ZNF579: variants seen among roughly 807,000 people sequenced by gnomAD.
ZNF579 encodes zinc finger protein 579.
Under a neutral mutation model 5.7 loss-of-function variants are expected in ZNF579, and 3 were observed. The observed-to-expected ratio is 0.53, with a 90% CI of 0.24 to 1.36. The LOEUF (loss-of-function observed/expected upper bound fraction) is 1.36, where lower values mean the gene tolerates loss of function less well. Among genes scored for constraint, ZNF579 ranks in the 40% most tolerant of loss-of-function variants. ZNF579 has a pLI of 0.16. For synonymous variants in ZNF579, 454 were observed against 409.0 expected (o/e 1.11, Z -1.33); for missense variants, 679 against 877.6 (o/e 0.77, Z 2.86).
At position 55,578,329 on chromosome 19, in the gene ZNF579, GC is replaced by G. The variant is rs1555775106; in HGVS notation, c.1310del (p.Gly437AlafsTer55). On this transcript the variant is annotated frameshift_variant, in exon 2 of 2. Transcript: ENST00000325421. LOFTEE classifies it low-confidence loss of function (END_TRUNC). ...LARHAQVHAG[G>X]PAPHPCPRCP... ...AGCGGGGGCACGGGTGCGGGGCTGG[GC>G]CCCCCGCGTGCACCTGTGCGTGGCG... 8.1e-6 allele frequency: 11 copies of G among 1,360,752 alleles called. No individual in the cohort carries two copies. The highest frequency in any genetic ancestry group is 3.2e-5 in the South Asian group (2 of 62,148). The allele number at this position is 1,360,752 out of a possible 1,614,324, so 84.3% of individuals were successfully genotyped here.
At chr19:55,580,757 C>T (rs1042445703) in intron 1 of ZNF579, 38 bp downstream of exon 1, 2 of 152,454 alleles carry the variant, frequency 1.3e-5, no homozygotes, top group African/African-American at 4.8e-5. Context: ...AGCCCTGGGC[C>T]TGGGGCTTGG....
chr19:55,578,502 C>T lies in ZNF579; in HGVS notation c.1138G>A (p.Gly380Arg), dbSNP rs1238659389. Reference protein sequence around the residue: ...GDAAPARPPAGEPRFWCPECG... With the variant: ...GDAAPARPPAREPRFWCPECG... ...TCTGGGCACCAGAAGCGGGGCTCCC[C>T]GGCGGGGGGCCGAGCCGGGGCGGCG... Residue 380 changes from glycine to arginine, a missense_variant, in exon 2 of 2, where the codon GGG becomes AGG. This residue lies in a region of ZNF579 where 114 missense variants were observed against 98.9 expected (regional missense o/e 1.15). Coordinates refer to ENST00000325421, the MANE Select transcript of ZNF579 (RefSeq NM_152600.3). 1.4e-6 allele frequency: 2 copies of T among 1,417,056 alleles called. No homozygotes were observed. The highest frequency in any genetic ancestry group is 9.1e-7 in the Non-Finnish European group (1 of 1,096,542). 87.8% of individuals were successfully genotyped at this position (1,417,056 alleles called of 1,614,324 possible). A position where few individuals can be genotyped will look rare whatever the true frequency, so the allele number is the denominator to read the frequency against.
Position 55,578,208 on chromosome 19 carries a change from C to T in ZNF579, c.1432G>A (p.Ala478Thr), listed in dbSNP as rs1979460072. ...ERAAALQALQAQAPTSPPPPP... is the reference protein window; with the variant it reads ...ERAAALQALQTQAPTSPPPPP... ...GGTGGCGGCGACGTCGGGGCCTGGGCCTGCAGTGCCTGCAGCGCGGCGGCC... is the reference window on the plus strand; with the variant it reads ...GGTGGCGGCGACGTCGGGGCCTGGGTCTGCAGTGCCTGCAGCGCGGCGGCC... Residue 478 changes from alanine to threonine, a missense_variant, in exon 2 of 2, where the codon GCC becomes ACC. Ala to Thr is a moderately conservative substitution (Grantham distance 58). Coordinates refer to ENST00000325421, the MANE Select transcript of ZNF579 (RefSeq NM_152600.3). 6.8e-7 allele frequency: 1 copy of T among 1,465,816 alleles called. No individual in the cohort carries two copies. Among genetic ancestry groups the T allele is most frequent in the Non-Finnish European group, 9.0e-7 (1 of 1,114,322 alleles). 90.8% of individuals were successfully genotyped at this position (1,465,816 alleles called of 1,614,324 possible).
rs1324894160 is a variant in ZNF579, at chr19:55,579,533, C to T, written c.107G>A (p.Gly36Asp). Residue 36 changes from glycine to aspartate, a missense_variant, in exon 2 of 2, where the codon GGC becomes GAC. Gly to Asp is a moderately conservative substitution (Grantham distance 94, BLOSUM62 -1). Coordinates refer to ENST00000325421, the MANE Select transcript of ZNF579 (RefSeq NM_152600.3). ...CAGGGGCGCCCTAGGGGCTCCAGCG[C>T]CCCCCCTGCCACGGCCACGGCCCCG... ...RGRGRGRGRG[G>D]AGAPRAPLPC... 2.8e-6 allele frequency: 4 copies of T among 1,444,108 alleles called. No homozygotes were observed. The highest frequency in any genetic ancestry group is 3.6e-6 in the Non-Finnish European group (4 of 1,104,990). The allele number at this position is 1,444,108 out of a possible 1,614,324, so 89.5% of individuals were successfully genotyped here.
chr19:55,579,596 T>C lies in ZNF579; in HGVS notation c.44A>G (p.His15Arg). The change falls in exon 2 of 2, where the codon CAC (histidine) becomes CGC (arginine). Residue 15 changes from histidine to arginine, a missense_variant. Coordinates refer to ENST00000325421, the MANE Select transcript of ZNF579 (RefSeq NM_152600.3). ...GCCACGGCCCCGGCCTCGGCCACGG[T>C]GAGGTGGGCTGCCCTGGGCGGGTGG... is the stretch of plus-strand genomic sequence containing the variant. ...PPPPAQGSPP[H>R]RGRGRGRGRG... is the part of the protein sequence containing the mutation. The C allele has an allele frequency of 6.8e-7, 1 of 1,474,462 alleles. No individual in the cohort carries two copies. Among genetic ancestry groups the C allele is most frequent in the Non-Finnish European group, 9.0e-7 (1 of 1,117,054 alleles). The allele number at this position is 1,474,462 out of a possible 1,614,324, so 91.3% of individuals were successfully genotyped here.
chr19:55,578,377 G>A lies in ZNF579; in HGVS notation c.1263C>T (p.Phe421=). ...PFQCVRCQRE[F]KRLADLARHA... is the part of the protein sequence containing the mutation. ...GGCGCGCCAGGTCGGCCAGGCGCTTGAACTCCCGCTGGCAGCGCACGCACT... is the reference window on the plus strand; with the variant it reads ...GGCGCGCCAGGTCGGCCAGGCGCTTAAACTCCCGCTGGCAGCGCACGCACT... Residue 421 remains phenylalanine (F), a synonymous_variant, in exon 2 of 2, where the codon TTC becomes TTT. Coordinates refer to ENST00000325421, the MANE Select transcript of ZNF579 (RefSeq NM_152600.3). 4 of 1,465,046 alleles carry A rather than the reference G, an allele frequency of 2.7e-6. No individual in the cohort carries two copies. Among genetic ancestry groups the A allele is most frequent in the East Asian group, 3.0e-5 (1 of 33,346 alleles). The allele number at this position is 1,465,046 out of a possible 1,614,324, so 90.8% of individuals were successfully genotyped here. A position where few individuals can be genotyped will look rare whatever the true frequency, so the allele number is the denominator to read the frequency against.
rs1400480857 is a variant in ZNF579 at position 55,580,827 on chromosome 19, C to CG, written c.-36dup. On this transcript the variant is annotated 5_prime_UTR_variant, in exon 1 of 2. Coordinates refer to ENST00000325421, the MANE Select transcript of ZNF579 (RefSeq NM_152600.3). ...CCTTGGCTCCTTTCTTCCTTCCCCA[C>CG]GGCCGGCCAAACGCGGACGGTGGTG... 1.4e-5 allele frequency: 2 copies of CG among 144,736 alleles called. No individual in the cohort carries two copies. Among genetic ancestry groups the CG allele is most frequent in the Non-Finnish European group, 3.0e-5 (2 of 66,188 alleles). 9.0% of individuals were successfully genotyped at this position (144,736 alleles called of 1,614,324 possible). A position where few individuals can be genotyped will look rare whatever the true frequency, so the allele number is the denominator to read the frequency against.
Position 55,577,936 on chromosome 19 carries a change from GCAGGGCGGCGAAGGT to G in ZNF579, c.1689_*14del. The G allele has an allele frequency of 1.3e-6, 2 of 1,573,452 alleles. No homozygotes were observed. Among genetic ancestry groups the G allele is most frequent in the Non-Finnish European group, 1.7e-6 (2 of 1,160,128 alleles). Reference sequence around the variant, plus strand: ...GGGAGCTCAGGCGGAGCGGCGGAGGGCAGGGCGGCGAAGGTCAGGAGGCCAGGCCCCCCAGCCCGC... The same window carrying G: ...GGGAGCTCAGGCGGAGCGGCGGAGGGCAGGAGGCCAGGCCCCCCAGCCCGC... On this transcript the variant is annotated stop_lost and 3_prime_UTR_variant, in exon 2 of 2. Transcript: ENST00000325421.
In ZNF579 at chr19:55,577,928, G is replaced by A. The variant is rs781290377; in HGVS notation, c.*23C>T. On this transcript the variant is annotated 3_prime_UTR_variant, in exon 2 of 2. Transcript: ENST00000325421. ...GCAAACCGGGGAGCTCAGGCGGAGC[G>A]GCGGAGGGCAGGGCGGCGAAGGTCA... 1.9e-6 allele frequency: 3 copies of A among 1,566,486 alleles called. No individual in the cohort carries two copies. Among genetic ancestry groups the A allele is most frequent in the Admixed American group, 3.8e-5 (2 of 52,802 alleles).
In ZNF579 at chr19:55,578,075, G is replaced by A. The variant is rs1979448122; in HGVS notation, c.1565C>T (p.Pro522Leu). ...GGCGCTGAGGAAGACAGGGGGAGCCGGCGGGGACTGGGGTGGGGTCCCCGG... is the reference window on the plus strand; with the variant it reads ...GGCGCTGAGGAAGACAGGGGGAGCCAGCGGGGACTGGGGTGGGGTCCCCGG... ...PSPGTPPQSP[P>L]APPVFLSASC... The change falls in exon 2 of 2, where the codon CCG becomes CTG. Residue 522 changes from proline to leucine, a missense_variant. Around this residue, in one of 6 missense-constraint regions of ZNF579, gnomAD observed 116 missense variants for 121.9 expected, o/e 0.95. Coordinates refer to ENST00000325421, the MANE Select transcript of ZNF579 (RefSeq NM_152600.3). The A allele has an allele frequency of 6.3e-7, 1 of 1,575,586 alleles. No homozygotes were observed. The highest frequency in any genetic ancestry group is 8.6e-7 in the Non-Finnish European group (1 of 1,160,400).
chr19:55,579,388 C>T lies in ZNF579; in HGVS notation c.252G>A (p.Pro84=), dbSNP rs1057160405. 1.5e-6 allele frequency: 2 copies of T among 1,337,892 alleles called. No homozygotes were observed. 82.9% of individuals were successfully genotyped at this position (1,337,892 alleles called of 1,614,324 possible). A position where few individuals can be genotyped will look rare whatever the true frequency, so the allele number is the denominator to read the frequency against. ...CGCGCAGGTGGCGGGAAAGGTGGGC[C>T]GGCCGGCGGAAGGCCTTGGGGCACA... The part of the protein sequence containing the change: ...CPLCPKAFRR[P]AHLSRHLRGH... The change falls in exon 2 of 2, where the codon CCG becomes CCA. Residue 84 remains proline, a synonymous_variant. Coordinates refer to ENST00000325421, the MANE Select transcript of ZNF579 (RefSeq NM_152600.3).
At position 55,577,957 on chromosome 19, in the gene ZNF579, G is replaced by A; in HGVS notation, c.1683C>T (p.Ala561=). ...GAGGGCAGGGCGGCGAAGGTCAGGA[G>A]GCCAGGCCCCCCAGCCCGCGCAGGT... The part of the protein sequence containing the change: ...KAHLRGLGGL[A]S The change falls in exon 2 of 2, where the codon GCC becomes GCT. Residue 561 remains alanine, a synonymous_variant. Transcript: ENST00000325421. 1.3e-6 allele frequency: 2 copies of A among 1,590,226 alleles called. No individual in the cohort carries two copies. Among genetic ancestry groups the A allele is most frequent in the Non-Finnish European group, 1.7e-6 (2 of 1,168,744 alleles).
rs1245685147 is a variant in ZNF579, at chr19:55,579,139, G to T, written c.501C>A (p.Val167=). The T allele has an allele frequency of 1.3e-6, 2 of 1,525,080 alleles. No homozygotes were observed. Among genetic ancestry groups the T allele is most frequent in the East Asian group, 5.0e-5 (2 of 40,014 alleles). The allele number at this position is 1,525,080 out of a possible 1,614,324, so 94.5% of individuals were successfully genotyped here. ...CAGGCCACGTCTCAGGCCACGCTGC[G>T]ACCGCCTCCTCCTCCGTGGCCCCTG... The part of the protein sequence containing the change: ...AAAGATEEEA[V]AAWPETWPAG... The change falls in exon 2 of 2, where the codon GTC becomes GTA. Residue 167 remains valine (V), a synonymous_variant. Coordinates refer to ENST00000325421, the MANE Select transcript of ZNF579 (RefSeq NM_152600.3).
intron 1 of ZNF579, among the ~76,000 whole-genome samples, chr19:55,580,241 A>C (rs938791479): frequency 1.3e-5 from 2 of 150,954 alleles, no homozygotes; most frequent in Non-Finnish European, 3.0e-5. Context: ...GACACAGCCC[A>C]TGGGGCCTGA....
Position 55,578,964 on chromosome 19 carries a change from C to A in ZNF579, c.676G>T (p.Ala226Ser). ...CGCAGACACAGCAGCGTCCAGTCTG[C>A]CTGGAGCAGGACCTGTTTCTCCTCC... ...RQEEKQVLLQ[A>S]DWTLLCLRCR... Residue 226 changes from alanine to serine, a missense_variant, in exon 2 of 2, where the codon GCA becomes TCA. Around this residue, in one of 6 missense-constraint regions of ZNF579, gnomAD observed 209 missense variants for 223.4 expected, o/e 0.94. Transcript: ENST00000325421. The A allele has an allele frequency of 6.5e-7, 1 of 1,547,244 alleles. No individual in the cohort carries two copies.
In ZNF579 at chr19:55,579,286, G is replaced by A. The variant is rs1264133704; in HGVS notation, c.354C>T (p.His118=). The A allele has an allele frequency of 2.6e-6, 4 of 1,512,810 alleles. No homozygotes were observed. In the Admixed American group the frequency reaches 8.1e-5, roughly 30 times the overall value. 93.7% of individuals were successfully genotyped at this position (1,512,810 alleles called of 1,614,324 possible). A position where few individuals can be genotyped will look rare whatever the true frequency, so the allele number is the denominator to read the frequency against. The change falls in exon 2 of 2, where the codon CAC becomes CAT. Residue 118 remains histidine, a synonymous_variant. Coordinates refer to ENST00000325421, the MANE Select transcript of ZNF579 (RefSeq NM_152600.3). Reference sequence around the variant, plus strand: ...CGCCGCCCGCGTGCTCCTGAGCCAGGTGGCGCCTGAGCTGGGCCGGTTCTG... The same window carrying A: ...CGCCGCCCGCGTGCTCCTGAGCCAGATGGCGCCTGAGCTGGGCCGGTTCTG... ...TFPEPAQLRR[H]LAQEHAGGEV...
chr19:55,580,109 A>G (rs12610512), intron 1 of ZNF579: 25,448 of 154,884 alleles, frequency 0.16, 2,545 homozygotes, highest in African/African-American at 0.29. Context: ...TGGGGGCCGG[A>G]GAGACAGGGA....
chr19:55,578,682 G>T lies in ZNF579; in HGVS notation c.958C>A (p.His320Asn). ...ASYLRQHRRV[H>N]GPLSLLAPLP... is the part of the protein sequence containing the mutation. ...GGGGCCAGCAGGCTGAGGGGGCCGTGGACGCGGCGGTGCTGGCGGAGGTAG... is the reference window on the plus strand; with the variant it reads ...GGGGCCAGCAGGCTGAGGGGGCCGTTGACGCGGCGGTGCTGGCGGAGGTAG... Residue 320 changes from histidine (H) to asparagine (N), a missense_variant, in exon 2 of 2, where the codon CAC becomes AAC. Coordinates refer to ENST00000325421, the MANE Select transcript of ZNF579 (RefSeq NM_152600.3). 6.4e-7 allele frequency: 1 copy of T among 1,557,362 alleles called. No individual in the cohort carries two copies. The highest frequency in any genetic ancestry group is 8.6e-7 in the Non-Finnish European group (1 of 1,159,500).
rs1429566912 is a variant in ZNF579 at position 55,576,851 on chromosome 19, A to G, written c.*1100T>C. The G allele has an allele frequency of 6.6e-6, 1 of 152,206 alleles. No individual in the cohort carries two copies. The highest frequency in any genetic ancestry group is 1.5e-5 in the Non-Finnish European group (1 of 68,036). 9.4% of individuals were successfully genotyped at this position (152,206 alleles called of 1,614,324 possible). A position where few individuals can be genotyped will look rare whatever the true frequency, so the allele number is the denominator to read the frequency against. The stretch of plus-strand genomic sequence containing the variant: ...ATTCTAAATTTAAACGGAAATAGCC[A>G]CGTGTGTCTGCTGGATATCATATTG... On this transcript the variant is annotated 3_prime_UTR_variant, in exon 2 of 2. Transcript: ENST00000325421.
Sources: gnomAD v4.1 joint callset for allele counts (sites outside exome capture counted in the v4.1 genomes callset) on GRCh38, gnomAD v4.1.1 for gene constraint, gnomAD v4.1.1 regional missense constraint, MANE v1.5 for transcripts, NCBI Gene and HGNC (gene_info 2026-07-23, HGNC 2026-07-21) for gene names.